HORMAD2: variants seen among roughly 807,000 people sequenced by gnomAD.
The protein encoded by HORMAD2 is HORMA domain containing 2, also known as HORMA domain-containing protein 2.
A neutral mutation model predicts 38.8 loss-of-function variants in HORMAD2; 45 were observed. The ratio of observed to expected loss-of-function variants is 1.16; its 90% CI spans 0.91 to 1.49. The LOEUF is 1.49. HORMAD2 is among the 40% of genes most tolerant of loss of function. The pLI is 0.00. For missense variants in HORMAD2, 338 were observed against 367.0 expected (o/e 0.92, Z 0.65); for synonymous variants, 126 against 122.8 (o/e 1.03, Z -0.17).
chr22:30,134,505 A>C (rs1227833146), intron 10 of HORMAD2, among the ~76,000 whole-genome samples: 1 of 149,768 alleles, frequency 6.7e-6, no homozygotes, highest in Non-Finnish European at 1.5e-5. Flanking sequence ...TGCCAAATCC[A>C]GGAGAAAATG....
At chr22:30,087,810 T>C (rs138681183) in intron 1 of HORMAD2, among the ~76,000 whole-genome samples, 3 of 152,180 alleles carry the variant, frequency 2.0e-5, no homozygotes, top group African/African-American at 7.2e-5. Flanking sequence ...ACTGAGGGTA[T>C]AGTGCTAAAC....
intron 4 of HORMAD2, 149 bp downstream of exon 4, chr22:30,103,649 A>AT (rs71198524): frequency 0.038 from 2,811 of 74,870 alleles, 484 homozygotes; most frequent in African/African-American, 0.046. Flanking sequence ...TCTGTTTTTG[A>AT]TTTTTTTTTT....
chr22:30,207,242 G>A, the HORMAD2 span: 1 of 385,480 alleles, frequency 2.6e-6, no homozygotes, highest in African/African-American at 2.1e-5. Context: ...ATGTGAAGAT[G>A]AGGACAAAGA....
intron 1 of HORMAD2, among the ~76,000 whole-genome samples, chr22:30,093,510 A>G (rs2068728630): frequency 6.6e-6 from 1 of 152,206 alleles, no homozygotes; most frequent in Admixed American, 6.5e-5. Flanking sequence ...AAATAATCTT[A>G]TAATTTTCAT....
intron 10 of HORMAD2, among the ~76,000 whole-genome samples, chr22:30,157,713 G>A (rs1925169358): frequency 6.6e-6 from 1 of 151,968 alleles, no homozygotes; most frequent in East Asian, 1.9e-4. Context: ...TGCATTTATG[G>A]GAACACTAGA....
intron 10 of HORMAD2, among the ~76,000 whole-genome samples, chr22:30,170,276 C>A (rs1219696363): frequency 6.6e-6 from 1 of 152,172 alleles, no homozygotes. Context: ...TCACCCCAGG[C>A]ACACAACTCA....
At chr22:30,167,407 A>T (rs1344988279) in intron 10 of HORMAD2, among the ~76,000 whole-genome samples, 1 of 152,182 alleles carries the variant, frequency 6.6e-6, no homozygotes, top group Non-Finnish European at 1.5e-5. Flanking sequence ...TTAGTGTACC[A>T]CAAATATCCA....
At chr22:30,088,130 CAT>C (rs1491164399) in intron 1 of HORMAD2, among the ~76,000 whole-genome samples, 6 of 151,442 alleles carry the variant, frequency 4.0e-5, no homozygotes, top group Non-Finnish European at 5.9e-5. Flanking sequence ...CACACGTACA[CAT>C]GTGTACATAT....
rs1037424282 is a variant in HORMAD2, at chr22:30,098,882, G to A, written c.82G>A (p.Glu28Lys). 4 of 1,613,060 alleles carry A rather than the reference G, an allele frequency of 2.5e-6. No homozygotes were observed. Among genetic ancestry groups the A allele is most frequent in the African/African-American group, 2.7e-5 (2 of 74,870 alleles). The change falls in exon 3 of 11, where the codon GAG becomes AAG. Residue 28 changes from glutamate (E) to lysine (K), a missense_variant. Transcript: ENST00000336726. Reference sequence around the variant, plus strand: ...AGTTTTCCCATCCCAAATCACTAATGAGCATGAGTCATTGAAAATGGTGAA... The same window carrying A: ...AGTTTTCCCATCCCAAATCACTAATAAGCATGAGTCATTGAAAATGGTGAA... ...ETVFPSQITN[E>K]HESLKMVKKL...
At chr22:30,083,173 G>A (rs1265289746) in intron 1 of HORMAD2, among the ~76,000 whole-genome samples, 3 of 151,036 alleles carry the variant, frequency 2.0e-5, no homozygotes, top group Non-Finnish European at 4.4e-5. Flanking sequence ...AGGCTGAGGT[G>A]GGAGGATCAC....
At chr22:30,078,607 CAAAAAA>C (rs55966787), upstream of HORMAD2, among the ~76,000 whole-genome samples, 184 of 28,068 alleles carry the variant, frequency 6.6e-3, no homozygotes, top group African/African-American at 0.024. Flanking sequence ...CTCTGTCTCA[CAAAAAA>C]AAAAAAAAAA....
At chr22:30,195,374 T>C in the HORMAD2 span, among the ~76,000 whole-genome samples, 1 of 152,194 alleles carries the variant, frequency 6.6e-6, no homozygotes, top group Non-Finnish European at 1.5e-5. Context: ...CATTCAGGCT[T>C]GTCTCATATC....
the HORMAD2 span, among the ~76,000 whole-genome samples, chr22:30,201,359 A>G: frequency 6.6e-6 from 1 of 151,660 alleles, no homozygotes. Flanking sequence ...GATTACATCT[A>G]CAAAGACCGG....
chr22:30,113,671 T>C (rs748917515), intron 7 of HORMAD2, among the ~76,000 whole-genome samples: 6 of 152,182 alleles, frequency 3.9e-5, no homozygotes, highest in Non-Finnish European at 8.8e-5. Context: ...CACTTTACTC[T>C]CTTTGTCTTT....
intron 10 of HORMAD2, among the ~76,000 whole-genome samples, chr22:30,123,952 C>G (rs1013260675): frequency 2.0e-5 from 3 of 151,706 alleles, no homozygotes; most frequent in Admixed American, 6.6e-5. Context: ...TTACACCACA[C>G]CTGGTTAGAT....
At chr22:30,126,406 A>G (rs1922867863) in intron 10 of HORMAD2, among the ~76,000 whole-genome samples, 1 of 152,230 alleles carries the variant, frequency 6.6e-6, no homozygotes, top group South Asian at 2.1e-4. Context: ...TGACCTCTTG[A>G]TCAGCCCGCC....
chr22:30,102,209 A>G (rs1354600967), intron 3 of HORMAD2, among the ~76,000 whole-genome samples: 1 of 152,258 alleles, frequency 6.6e-6, no homozygotes. Flanking sequence ...AACTTGTAAT[A>G]GTGAATGTGT....
chr22:30,092,493 G>A (rs552659088), intron 1 of HORMAD2, among the ~76,000 whole-genome samples: 1 of 152,042 alleles, frequency 6.6e-6, no homozygotes, highest in Admixed American at 6.5e-5. Flanking sequence ...TAGCTGTGTA[G>A]AAACTTTTTA....
the HORMAD2 span, among the ~76,000 whole-genome samples, chr22:30,193,756 G>T: frequency 2.6e-5 from 4 of 152,238 alleles, no homozygotes; most frequent in African/African-American, 9.6e-5. Context: ...CTGACACAGG[G>T]CTACCTGGCT....
Sources: gnomAD v4.1 joint callset for allele counts (sites outside exome capture counted in the v4.1 genomes callset) on GRCh38, gnomAD v4.1.1 for gene constraint, MANE v1.5 for transcripts, NCBI Gene and HGNC (gene_info 2026-07-23, HGNC 2026-07-21) for gene names.